The following DISP2 variants were observed in gnomAD, a reference collection of about 807,000 sequenced individuals.
The protein encoded by DISP2 is protein dispatched homolog 2.
DISP2 carries 59 observed loss-of-function variants against 95.5 expected under a neutral mutation model. The observed-to-expected ratio is 0.62, with a 90% CI of 0.50 to 0.77. The LOEUF (loss-of-function observed/expected upper bound fraction) is 0.77. DISP2 is among the 30% of genes least tolerant of loss of function. The pLI, the probability that DISP2 is intolerant of heterozygous loss-of-function variation, is 0.00. For synonymous variants in DISP2, 827 were observed against 815.0 expected (o/e 1.01, Z -0.25); for missense variants, 1,752 against 1,854.6 (o/e 0.94, Z 1.02).
rs1225578524 is a variant in DISP2, at chr15:40,375,057, C to G, written c.*4739C>G. On this transcript the variant is annotated 3_prime_UTR_variant, in exon 8 of 8. Transcript: ENST00000267889. ...ATTCCTCACCCTTTCTACCCACACC[C>G]TTGTTCACAGGGATGACTGTAACTA... The G allele has an allele frequency of 6.6e-6, 1 of 152,186 alleles. No homozygotes were observed. Among genetic ancestry groups the G allele is most frequent in the Non-Finnish European group, 1.5e-5 (1 of 68,022 alleles). The allele number at this position is 152,186 out of a possible 1,614,324, so 9.4% of individuals were successfully genotyped here. A position where few individuals can be genotyped will look rare whatever the true frequency, so the allele number is the denominator to read the frequency against.
At chr15:40,360,763 A>G (rs1889394021) in intron 1 of DISP2, among the ~76,000 whole-genome samples, 1 of 152,186 alleles carries the variant, frequency 6.6e-6, no homozygotes, top group African/African-American at 2.4e-5. Flanking sequence ...TCCTAAGACA[A>G]GCCCAGTGAT....
At position 40,370,387 on chromosome 15, in the gene DISP2, G is replaced by A. The variant is rs540436872; in HGVS notation, c.*69G>A. The A allele has an allele frequency of 2.0e-6, 3 of 1,501,922 alleles. No individual in the cohort carries two copies. The African/African-American group carries it at 4.2e-5, about 21-fold the overall frequency. 93.0% of individuals were successfully genotyped at this position (1,501,922 alleles called of 1,614,324 possible). On this transcript the variant is annotated 3_prime_UTR_variant, in exon 8 of 8. Transcript: ENST00000267889. ...GATGACAAGGCAAGGGCAGCAATAGGCTGGAGCCCGAAGGTATTTCTCCAG... is the reference window on the plus strand; with the variant it reads ...GATGACAAGGCAAGGGCAGCAATAGACTGGAGCCCGAAGGTATTTCTCCAG...
intron 1 of DISP2, among the ~76,000 whole-genome samples, chr15:40,361,092 T>G (rs542954434): frequency 6.6e-6 from 1 of 152,254 alleles, no homozygotes; most frequent in African/African-American, 2.4e-5. Context: ...GCTTACGTTA[T>G]TAACTTTATG....
rs533497972 is a variant in DISP2, at chr15:40,365,298, CT to C, written c.847+25del. On this transcript the variant is annotated intron_variant, in intron 6 of 7. Transcript: ENST00000267889. ...TGGTAAGCTGCAGCCTGGCCAGTTC[CT>C]GGTTTTAATAGTGGTCCCCACCCCA... 504 of 1,612,278 alleles carry C rather than the reference CT, an allele frequency of 3.1e-4. 3 individuals carry two copies. In the African/African-American group the frequency reaches 6.3e-3, roughly 20 times the overall value.
chr15:40,368,059 G>A lies in DISP2; in HGVS notation c.1947G>A (p.Ala649=). 6.8e-7 allele frequency: 1 copy of A among 1,470,774 alleles called. No homozygotes were observed. Among genetic ancestry groups the A allele is most frequent in the Non-Finnish European group, 8.9e-7 (1 of 1,119,568 alleles). The allele number at this position is 1,470,774 out of a possible 1,614,324, so 91.1% of individuals were successfully genotyped here. The change falls in exon 8 of 8, where the codon GCG becomes GCA. Residue 649 remains alanine, a synonymous_variant. Coordinates refer to ENST00000267889, the MANE Select transcript of DISP2 (RefSeq NM_033510.3). ...CCGTGCTCCACGAGCGCTACCTGGCGCGCGGCTGTGCGCGCCGGGCGCGGG... is the reference window on the plus strand; with the variant it reads ...CCGTGCTCCACGAGCGCTACCTGGCACGCGGCTGTGCGCGCCGGGCGCGGG... ...ASAVLHERYL[A]RGCARRARGR...
rs769887184 is a variant in DISP2 at position 40,367,469 on chromosome 15, C to T, written c.1357C>T (p.Leu453=). The T allele has an allele frequency of 6.2e-7, 1 of 1,613,784 alleles. No homozygotes were observed. The highest frequency in any genetic ancestry group is 8.5e-7 in the Non-Finnish European group (1 of 1,180,010). The change falls in exon 8 of 8, where the codon CTG becomes TTG. Residue 453 remains leucine, a synonymous_variant. Coordinates refer to ENST00000267889, the MANE Select transcript of DISP2 (RefSeq NM_033510.3). ...PKGASLMDIY[L]DRLATPWGLA... ...GGGTGCTTCCCTCATGGACATCTAC[C>T]TGGACCGGCTGGCCACCCCCTGGGG...
chr15:40,367,526 A>G lies in DISP2; in HGVS notation c.1414A>G (p.Met472Val). The G allele has an allele frequency of 2.5e-6, 4 of 1,613,616 alleles. No homozygotes were observed. The South Asian group carries it at 4.4e-5, about 18-fold the overall frequency. Residue 472 changes from methionine to valine, a missense_variant, in exon 8 of 8, where the codon ATG (methionine) becomes GTG (valine). Around this residue, in one of 5 missense-constraint regions of DISP2, gnomAD observed 732 missense variants for 714.6 expected, o/e 1.02. Transcript: ENST00000267889. ...TGACAACTACACCTCTGTCACTGGC[A>G]TGGACCTGGGCCTCAAGCAGGAGCT... ...LADNYTSVTG[M>V]DLGLKQELLR...
chr15:40,369,321 T>C lies in DISP2; in HGVS notation c.3209T>C (p.Leu1070Pro). ...SCATAVGAAA[L>P]FAAGVLMLPA... ...GCCACAGCCGTGGGGGCTGCAGCCC[T>C]GTTTGCGGCAGGCGTGCTCATGCTG... The change falls in exon 8 of 8, where the codon CTG (leucine) becomes CCG (proline). Residue 1070 changes from leucine (L) to proline (P), a missense_variant. Transcript: ENST00000267889. 1.2e-6 allele frequency: 2 copies of C among 1,613,586 alleles called. No individual in the cohort carries two copies. Among genetic ancestry groups the C allele is most frequent in the South Asian group, 2.2e-5 (2 of 91,086 alleles).
In DISP2 at chr15:40,373,756, AG is replaced by A. The variant is rs1889684416; in HGVS notation, c.*3439del. 6.6e-6 allele frequency: 1 copy of A among 151,918 alleles called. No individual in the cohort carries two copies. Among genetic ancestry groups the A allele is most frequent in the Non-Finnish European group, 1.5e-5 (1 of 68,040 alleles). The allele number at this position is 151,918 out of a possible 1,614,324, so 9.4% of individuals were successfully genotyped here. ...CACGGTGGCTCACGCCTGTAATCCC[AG>A]CACTTTGGGAGGCCAAGGCAGGTGG... On this transcript the variant is annotated 3_prime_UTR_variant, in exon 8 of 8. Coordinates refer to ENST00000267889, the MANE Select transcript of DISP2 (RefSeq NM_033510.3).
In DISP2 at chr15:40,367,449, C is replaced by T; in HGVS notation, c.1337C>T (p.Ala446Val). 1 of 1,613,780 alleles carries T rather than the reference C, an allele frequency of 6.2e-7. No homozygotes were observed. The highest frequency in any genetic ancestry group is 8.5e-7 in the Non-Finnish European group (1 of 1,179,996). ...SLLFLPTPKG[A>V]SLMDIYLDRL... is the part of the protein sequence containing the mutation. The stretch of plus-strand genomic sequence containing the variant: ...CTCTTCCTGCCCACCCCAAAGGGTG[C>T]TTCCCTCATGGACATCTACCTGGAC... Residue 446 changes from alanine (A) to valine (V), a missense_variant, in exon 8 of 8, where the codon GCT (alanine) becomes GTT (valine). Transcript: ENST00000267889.
intron 1 of DISP2, among the ~76,000 whole-genome samples, 168 bp downstream of exon 1, chr15:40,358,608 G>A (rs1258515824): frequency 6.6e-6 from 1 of 151,346 alleles, no homozygotes; most frequent in Admixed American, 6.6e-5. Context: ...CCCTCATCCT[G>A]CCGGGTCAAT....
chr15:40,363,795 G>A lies in DISP2; in HGVS notation c.290G>A (p.Arg97Gln), dbSNP rs756751597. The A allele has an allele frequency of 3.9e-5, 63 of 1,612,730 alleles. No individual in the cohort carries two copies. The highest frequency in any genetic ancestry group is 6.7e-5 in the Admixed American group (4 of 59,846). ...GCCCCTGCCCACTTCACCTATCCCC[G>A]GGCACTGCAGGAATACCAGGGGGGC... Reference protein sequence around the residue: ...PLAPAHFTYPRALQEYQGGSS... With the variant: ...PLAPAHFTYPQALQEYQGGSS... Residue 97 changes from arginine to glutamine, a missense_variant, in exon 2 of 8, where the codon CGG (arginine) becomes CAG (glutamine). Physicochemically the swap from Arg to Gln is conservative, Grantham distance 43. This residue lies in a region of DISP2 where 342 missense variants were observed against 364.3 expected (regional missense o/e 0.94). Transcript: ENST00000267889.
chr15:40,358,438 C>A lies in DISP2; in HGVS notation c.117C>A (p.Asp39Glu). Residue 39 changes from aspartate to glutamate, a missense_variant and splice_region_variant, in exon 1 of 8, where the codon GAC (aspartate) becomes GAA (glutamate). Around this residue, in one of 5 missense-constraint regions of DISP2, gnomAD observed 342 missense variants for 364.3 expected, o/e 0.94. Transcript: ENST00000267889. ...EPLAPDGGSPDSTQTKAVPPE... is the reference protein window; with the variant it reads ...EPLAPDGGSPESTQTKAVPPE... Reference sequence around the variant, plus strand: ...TGGCCCCAGACGGCGGCTCCCCGGACAGGTAGGGCGGACAGCTCCGCAGAT... The same window carrying A: ...TGGCCCCAGACGGCGGCTCCCCGGAAAGGTAGGGCGGACAGCTCCGCAGAT... 1 of 1,314,626 alleles carries A rather than the reference C, an allele frequency of 7.6e-7. No individual in the cohort carries two copies. The highest frequency in any genetic ancestry group is 9.7e-7 in the Non-Finnish European group (1 of 1,031,350). 81.4% of individuals were successfully genotyped at this position (1,314,626 alleles called of 1,614,324 possible).
rs747298491 is a variant in DISP2, at chr15:40,363,754, T to C, written c.249T>C (p.Gly83=). ...CAACTTCCACCCTCCAGCCTGTGGG[T>C]CCATCCAGCCCCTTGGCCCCTGCCC... The part of the protein sequence containing the change: ...PPTTSTLQPV[G]PSSPLAPAHF... Residue 83 remains glycine (G), a synonymous_variant, in exon 2 of 8, where the codon GGT becomes GGC. Coordinates refer to ENST00000267889, the MANE Select transcript of DISP2 (RefSeq NM_033510.3). The C allele has an allele frequency of 1.9e-6, 3 of 1,613,738 alleles. No homozygotes were observed. In the East Asian group the frequency reaches 6.7e-5, roughly 36 times the overall value.
In DISP2 at chr15:40,368,288, C is replaced by T. The variant is rs527560270; in HGVS notation, c.2176C>T (p.Arg726Cys). Residue 726 changes from arginine to cysteine, a missense_variant, in exon 8 of 8, where the codon CGC becomes TGC. By Grantham distance (180) the Arg-to-Cys change is radical. Transcript: ENST00000267889. ...GGAYIAGVSP[R>C]LRLPTLPPPG... Reference sequence around the variant, plus strand: ...CGCCTACATCGCCGGAGTCAGCCCCCGCCTGCGGCTGCCCACGCTGCCGCC... The same window carrying T: ...CGCCTACATCGCCGGAGTCAGCCCCTGCCTGCGGCTGCCCACGCTGCCGCC... 3.1e-6 allele frequency: 5 copies of T among 1,606,910 alleles called. No individual in the cohort carries two copies. Among genetic ancestry groups the T allele is most frequent in the African/African-American group, 1.3e-5 (1 of 74,904 alleles).
At chr15:40,361,121 C>G (rs1889399266) in intron 1 of DISP2, among the ~76,000 whole-genome samples, 1 of 152,182 alleles carries the variant, frequency 6.6e-6, no homozygotes, top group South Asian at 2.1e-4. Flanking sequence ...TGAGGTCTTG[C>G]TTTAGAACAA....
At position 40,369,632 on chromosome 15, in the gene DISP2, C is replaced by A. The variant is rs201207685; in HGVS notation, c.3520C>A (p.Pro1174Thr). Reference sequence around the variant, plus strand: ...ACAGCCCCTGGCACGGCGTCGGAGCCCCAGCTTTGACACCAGCACAGCCAC... The same window carrying A: ...ACAGCCCCTGGCACGGCGTCGGAGCACCAGCTTTGACACCAGCACAGCCAC... ...ELQPLARRRS[P>T]SFDTSTATSK... The change falls in exon 8 of 8, where the codon CCC becomes ACC. Residue 1174 changes from proline to threonine, a missense_variant. Physicochemically the swap from Pro to Thr is conservative, Grantham distance 38. Transcript: ENST00000267889. 1 of 1,611,760 alleles carries A rather than the reference C, an allele frequency of 6.2e-7. No individual in the cohort carries two copies. Among genetic ancestry groups the A allele is most frequent in the Non-Finnish European group, 8.5e-7 (1 of 1,179,974 alleles).
rs1473575948 is a variant in DISP2, at chr15:40,373,203, C to T, written c.*2885C>T. ...TACAATGAGTGTATGGCCCTGGAGA[C>T]ATGGCTTACAAGCACGCTGTGAGGC... On this transcript the variant is annotated 3_prime_UTR_variant, in exon 8 of 8. Transcript: ENST00000267889. 6.6e-6 allele frequency: 1 copy of T among 152,188 alleles called. No homozygotes were observed. The highest frequency in any genetic ancestry group is 2.4e-5 in the African/African-American group (1 of 41,420). 9.4% of individuals were successfully genotyped at this position (152,188 alleles called of 1,614,324 possible).
At chr15:40,366,367 T>C (rs1008306632) in intron 7 of DISP2, among the ~76,000 whole-genome samples, 2 of 152,234 alleles carry the variant, frequency 1.3e-5, no homozygotes, top group African/African-American at 2.4e-5. Context: ...CACAGGGATG[T>C]TGTGACAGTT....
Sources: gnomAD v4.1 joint callset for allele counts (sites outside exome capture counted in the v4.1 genomes callset) on GRCh38, gnomAD v4.1.1 for gene constraint, gnomAD v4.1.1 regional missense constraint, MANE v1.5 for transcripts, NCBI Gene and HGNC (gene_info 2026-07-23, HGNC 2026-07-21) for gene names.